Variants in XKR4 observed in about 807,000 individuals in gnomAD.
The protein encoded by XKR4 is XK related 4, also known as XK-related protein 4.
In XKR4, 12 loss-of-function variants were observed where a neutral mutation model predicts 53.9. The ratio of observed to expected loss-of-function variants is 0.22; its 90% CI spans 0.14 to 0.36. XKR4 has a LOEUF of 0.36. Among genes scored for constraint, XKR4 ranks in the 10% least tolerant of loss-of-function variants. XKR4 has a pLI of 1.00. For synonymous variants in XKR4, 354 were observed against 362.4 expected, an observed-to-expected ratio of 0.98 and a Z score of 0.26; for missense variants, 799 against 859.5, an observed-to-expected ratio of 0.93 and a Z score of 0.88.
At chr8:55,293,676 C>T (rs2129375797) in intron 1 of XKR4, among the ~76,000 whole-genome samples, 1 of 152,158 alleles carries the variant, frequency 6.6e-6, no homozygotes, top group South Asian at 2.1e-4. Context: ...AAGCTTTACC[C>T]ATTTTTAAGG....
At chr8:55,124,958 A>G (rs1243992477) in intron 1 of XKR4, among the ~76,000 whole-genome samples, 1 of 152,238 alleles carries the variant, frequency 6.6e-6, no homozygotes, top group Non-Finnish European at 1.5e-5. Context: ...ATTACATTTG[A>G]TAATTCATCA....
chr8:55,421,454 C>G (rs1018864259), intron 2 of XKR4, among the ~76,000 whole-genome samples: 2 of 152,164 alleles, frequency 1.3e-5, no homozygotes, highest in Non-Finnish European at 2.9e-5. Context: ...GTCAGCTCTC[C>G]CTGAAGCCTA....
At position 55,298,973 on chromosome 8, in the gene XKR4, C is replaced by T. The variant is rs114561639; in HGVS notation, c.807-58705C>T. Among the ~76,000 whole-genome samples the T allele has an allele frequency of 4.9e-3, 739 of 152,276 alleles. 2 individuals carry two copies. Among genetic ancestry groups the T allele is most frequent in the African/African-American group, 0.017 (691 of 41,558 alleles). On this transcript the variant is annotated intron_variant, in intron 1 of 2. Transcript: ENST00000327381. Reference sequence around the variant, plus strand: ...CAAACTCAGGGCATTCGCACTGACACAAGACCTTTATCTGATTTACAGTCC... The same window carrying T: ...CAAACTCAGGGCATTCGCACTGACATAAGACCTTTATCTGATTTACAGTCC...
chr8:55,297,749 C>T (rs1819121286), intron 1 of XKR4, among the ~76,000 whole-genome samples: 2 of 152,352 alleles, frequency 1.3e-5, no homozygotes, highest in East Asian at 1.9e-4. Flanking sequence ...AGGGGGCTCT[C>T]TCTAAAGGTA....
chr8:55,256,990 A>G (rs1818446878), intron 1 of XKR4, among the ~76,000 whole-genome samples: 1 of 152,196 alleles, frequency 6.6e-6, no homozygotes, highest in Non-Finnish European at 1.5e-5. Flanking sequence ...TACTTGCTGC[A>G]TCCTTTCCAC....
At chr8:55,107,207 G>T (rs1309704392) in intron 1 of XKR4, among the ~76,000 whole-genome samples, 1 of 151,990 alleles carries the variant, frequency 6.6e-6, no homozygotes, top group Non-Finnish European at 1.5e-5. Flanking sequence ...AAAATTATTA[G>T]TATCTGTATA....
At chr8:55,135,889 C>CTTTTTTTTTTTTTTTT in intron 1 of XKR4, among the ~76,000 whole-genome samples, 1 of 146,026 alleles carries the variant, frequency 6.8e-6, no homozygotes, top group Non-Finnish European at 1.5e-5. Context: ...AACATGCTCA[C>CTTTTTTTTTTTTTTTT]TTTTTTTTTT....
intron 1 of XKR4, among the ~76,000 whole-genome samples, chr8:55,123,245 GA>G: frequency 6.6e-6 from 1 of 152,340 alleles, no homozygotes; most frequent in African/African-American, 2.4e-5. Context: ...TTGAATGAAT[GA>G]AATGGAAATC....
At chr8:55,173,035 AT>A (rs999150504) in intron 1 of XKR4, among the ~76,000 whole-genome samples, 38 of 152,116 alleles carry the variant, frequency 2.5e-4, no homozygotes, top group African/African-American at 9.2e-4. Context: ...TGGAGTGAGT[AT>A]TGTTGTTATT....
chr8:55,142,226 C>A (rs1816716457), intron 1 of XKR4: 1 of 455,650 alleles, frequency 2.2e-6, no homozygotes, highest in South Asian at 1.6e-5. Flanking sequence ...AACTTCATGT[C>A]ATTGAAACTT....
At chr8:55,379,387 C>T (rs1460226731) in intron 2 of XKR4, among the ~76,000 whole-genome samples, 1 of 152,188 alleles carries the variant, frequency 6.6e-6, no homozygotes, top group African/African-American at 2.4e-5. Flanking sequence ...CTAGGATACT[C>T]ACCATACCAA....
Position 55,360,392 on chromosome 8 carries a change from T to C in XKR4, c.1006+2515T>C, listed in dbSNP as rs114000531. Among the ~76,000 whole-genome samples the C allele has an allele frequency of 1.6e-3, 241 of 152,276 alleles. 2 individuals are homozygous for C. The highest frequency in any genetic ancestry group is 5.5e-3 in the African/African-American group (227 of 41,552). On this transcript the variant is annotated intron_variant, in intron 2 of 2. Transcript: ENST00000327381. ...CTTACAAACAAACCAGCTGATAAAT[T>C]AAATTGATGTGAGTTCTAAGAACAG...
chr8:55,476,862 C>T (rs369594382), intron 2 of XKR4, among the ~76,000 whole-genome samples: 15 of 152,228 alleles, frequency 9.9e-5, no homozygotes, highest in African/African-American at 3.6e-4. Context: ...CCTGCCATTA[C>T]CCAGGCTTGA....
intron 2 of XKR4, chr8:55,451,870 G>T (rs1182441235): frequency 1.2e-6 from 1 of 860,306 alleles, no homozygotes; most frequent in Non-Finnish European, 1.9e-6. Context: ...TGAGGACGGG[G>T]TCAGTGTGCT....
rs1298606416 is a variant in XKR4 at position 55,533,207 on chromosome 8, T to C, written c.*8980T>C. The C allele has an allele frequency of 6.6e-6, 1 of 152,176 alleles. No individual in the cohort carries two copies. The highest frequency in any genetic ancestry group is 1.5e-5 in the Non-Finnish European group (1 of 68,036). The allele number at this position is 152,176 out of a possible 1,614,324, so 9.4% of individuals were successfully genotyped here. A position where few individuals can be genotyped will look rare whatever the true frequency, so the allele number is the denominator to read the frequency against. ...TTGTGAGTCTAGAAAATGAGCACTTTGTGTGTTGAGCGCTGTTGCATTCAC... is the reference window on the plus strand; with the variant it reads ...TTGTGAGTCTAGAAAATGAGCACTTCGTGTGTTGAGCGCTGTTGCATTCAC... On this transcript the variant is annotated 3_prime_UTR_variant, in exon 3 of 3. Coordinates refer to ENST00000327381, the MANE Select transcript of XKR4 (RefSeq NM_052898.2).
chr8:55,398,932 A>T (rs572039408), intron 2 of XKR4, among the ~76,000 whole-genome samples: 1 of 152,322 alleles, frequency 6.6e-6, no homozygotes, highest in East Asian at 1.9e-4. Flanking sequence ...TACAGATATC[A>T]TGTGGTTTTC....
At position 55,386,663 on chromosome 8, in the gene XKR4, G is replaced by A. The variant is rs537335253; in HGVS notation, c.1006+28786G>A. On this transcript the variant is annotated intron_variant, in intron 2 of 2. Coordinates refer to ENST00000327381, the MANE Select transcript of XKR4 (RefSeq NM_052898.2). ...TTAATATATCATGGAATGTAGTAGC[G>A]AAGAGGAGATAAGTCTGCAGCTGGA... Among the ~76,000 whole-genome samples the A allele has an allele frequency of 1.1e-4, 17 of 152,304 alleles. No individual in the cohort carries two copies. In the South Asian group the frequency reaches 1.7e-3, roughly 15 times the overall value.
At chr8:55,264,764 G>A (rs1818574905) in intron 1 of XKR4, among the ~76,000 whole-genome samples, 1 of 152,116 alleles carries the variant, frequency 6.6e-6, no homozygotes, top group South Asian at 2.1e-4. Flanking sequence ...CATCAATATG[G>A]TCATTATACA....
At chr8:55,283,045 T>G (rs1050484937) in intron 1 of XKR4, among the ~76,000 whole-genome samples, 1 of 152,220 alleles carries the variant, frequency 6.6e-6, no homozygotes, top group African/African-American at 2.4e-5. Flanking sequence ...TTCAGTCACA[T>G]GCTGTACAGG....
Sources: allele counts gnomAD v4.1 joint callset (sites outside exome capture counted in the v4.1 genomes callset), GRCh38; gene constraint gnomAD v4.1.1; transcripts MANE v1.5; gene names NCBI Gene and HGNC (gene_info 2026-07-23, HGNC 2026-07-21).